The following PPP2R2B variants were observed in gnomAD, a reference collection of about 807,000 sequenced individuals.
PPP2R2B encodes the protein serine/threonine-protein phosphatase 2A 55 kDa regulatory subunit B beta isoform.
Under a neutral mutation model 46.0 loss-of-function variants are expected in PPP2R2B, and 5 were observed. The observed-to-expected ratio is 0.11, with a 90% CI of 0.06 to 0.23. The LOEUF is 0.23. PPP2R2B is among the 10% of genes least tolerant of loss of function. The pLI, the probability that PPP2R2B is intolerant of heterozygous loss-of-function variation, is 1.00. For synonymous variants in PPP2R2B, 215 were observed against 206.7 expected (o/e 1.04, Z -0.34); for missense variants, 367 against 575.0 (o/e 0.64, Z 3.70).
intron 2 of PPP2R2B, among the ~76,000 whole-genome samples, chr5:146,868,039 T>A (rs1394331174): frequency 6.6e-6 from 1 of 152,198 alleles, no homozygotes; most frequent in Non-Finnish European, 1.5e-5. Context: ...TTAACCTCAT[T>A]GATTGGCACT....
intron 2 of PPP2R2B, among the ~76,000 whole-genome samples, chr5:146,732,614 A>G (rs1255691248): frequency 6.6e-6 from 1 of 152,240 alleles, no homozygotes; most frequent in African/African-American, 2.4e-5. Flanking sequence ...AAACAATAAC[A>G]GCATTAATAG....
At chr5:146,641,503 ATTTTTTTTTTTTTTTT>A (rs61445378) in intron 6 of PPP2R2B, among the ~76,000 whole-genome samples, 140 of 128,574 alleles carry the variant, frequency 1.1e-3, no homozygotes, top group African/African-American at 4.2e-3. Flanking sequence ...GTGCTCTAAG[ATTTTTTTTTTTTTTTT>A]TTTTTTTTTT....
At chr5:146,811,717 C>T (rs113311931) in intron 2 of PPP2R2B, among the ~76,000 whole-genome samples, 3,947 of 150,172 alleles carry the variant, frequency 0.026, 55 homozygotes, top group Middle Eastern at 0.045. Context: ...CCCACCACCA[C>T]GCCCGGCTAA....
chr5:146,839,047 A>G (rs1759467794), intron 2 of PPP2R2B, among the ~76,000 whole-genome samples: 1 of 152,140 alleles, frequency 6.6e-6, no homozygotes, highest in African/African-American at 2.4e-5. Context: ...CTGATTTCCA[A>G]CCTTCCCTTC....
intron 2 of PPP2R2B, among the ~76,000 whole-genome samples, chr5:146,766,781 C>T (rs1311056838): frequency 1.8e-4 from 27 of 152,106 alleles, no homozygotes; most frequent in African/African-American, 4.3e-4. Context: ...AGGTGGGGCA[C>T]GGTGGCTCAT....
intron 7 of PPP2R2B, among the ~76,000 whole-genome samples, chr5:146,608,593 G>A (rs1444569158): frequency 2.6e-5 from 4 of 152,128 alleles, no homozygotes; most frequent in South Asian, 2.1e-4. Flanking sequence ...TCAGGAGCTC[G>A]AGACCAACCT....
chr5:146,980,437 T>C (rs1212684491), intron 1 of PPP2R2B, among the ~76,000 whole-genome samples: 1 of 152,106 alleles, frequency 6.6e-6, no homozygotes, highest in Non-Finnish European at 1.5e-5. Flanking sequence ...GCTAGTCTCA[T>C]CCAGAAGGGA....
intron 2 of PPP2R2B, among the ~76,000 whole-genome samples, chr5:146,799,886 A>G (rs1425453702): frequency 6.6e-6 from 1 of 152,224 alleles, no homozygotes; most frequent in Non-Finnish European, 1.5e-5. Context: ...TCCATAGTCC[A>G]TGATTTATAC....
chr5:146,714,696 A>G (rs1780392978), intron 2 of PPP2R2B, among the ~76,000 whole-genome samples: 1 of 152,224 alleles, frequency 6.6e-6, no homozygotes, highest in East Asian at 1.9e-4. Flanking sequence ...TCTTCTCTTC[A>G]TATAAGGTTT....
rs1345925804 is a variant in PPP2R2B, at chr5:146,970,645, C to T, written c.79+85020G>A. On this transcript the variant is annotated intron_variant, in intron 1 of 8. Coordinates refer to the PPP2R2B transcript ENST00000336640. The stretch of plus-strand genomic sequence containing the variant: ...AGAAGGGAAGACCAGAAGGTTAGAC[C>T]CCTCAGAAATGAATATTTAAGTCAC... Among the ~76,000 whole-genome samples, 7 of 151,870 alleles carry T rather than the reference C, an allele frequency of 4.6e-5. No homozygotes were observed. The South Asian group carries it at 1.3e-3, about 27-fold the overall frequency.
rs376197977 is a variant in PPP2R2B, at chr5:146,861,540, G to A, written c.70+16462C>T. On this transcript the variant is annotated intron_variant, in intron 2 of 9. Transcript: ENST00000394411. ...AAAGGAAGAACTCAGGTGAATATTC[G>A]CTACATTAATTCCCAGAGACTAGTC... 5.3e-5 allele frequency among the ~76,000 whole-genome samples: 8 copies of A among 152,140 alleles called. No individual in the cohort carries two copies. The East Asian group carries it at 5.8e-4, about 11-fold the overall frequency.
intron 2 of PPP2R2B, among the ~76,000 whole-genome samples, chr5:146,801,219 T>A (rs1050002317): frequency 1.3e-5 from 2 of 152,152 alleles, no homozygotes; most frequent in Admixed American, 1.3e-4. Context: ...AAGCTTCAGT[T>A]ATACAAAATG....
intron 5 of PPP2R2B, among the ~76,000 whole-genome samples, chr5:146,682,290 G>A (rs529210586): frequency 8.1e-4 from 123 of 152,194 alleles, no homozygotes; most frequent in African/African-American, 2.4e-3. Flanking sequence ...ATACTACTTC[G>A]AACTTTTCAA....
chr5:146,812,821 A>ATATATG, intron 2 of PPP2R2B, among the ~76,000 whole-genome samples: 1 of 85,550 alleles, frequency 1.2e-5, no homozygotes, highest in Non-Finnish European at 2.3e-5. Context: ...ATATATATAT[A>ATATATG]TATATATACA....
chr5:146,882,678 T>A (rs1436194184), upstream of PPP2R2B, among the ~76,000 whole-genome samples: 2 of 152,232 alleles, frequency 1.3e-5, no homozygotes, highest in Admixed American at 6.5e-5. Flanking sequence ...AGTACTTAAC[T>A]ATGTCAGACA....
rs149739473 is a variant in PPP2R2B at position 146,700,248 on chromosome 5, T to C, written c.168+797A>G. Among the ~76,000 whole-genome samples, 611 of 152,164 alleles carry C rather than the reference T, an allele frequency of 4.0e-3. 6 individuals carry two copies. Among genetic ancestry groups the C allele is most frequent in the African/African-American group, 0.014 (583 of 41,506 alleles). On this transcript the variant is annotated intron_variant, in intron 3 of 9. Transcript: ENST00000394411. ...CCCGGTGAATCTCAGAGGCAGGCAG[T>C]GGCAGATGGGAGAGCTACTAGAACA...
intron 2 of PPP2R2B, among the ~76,000 whole-genome samples, chr5:146,824,738 C>G (rs1758465390): frequency 1.4e-5 from 2 of 142,948 alleles, no homozygotes; most frequent in Admixed American, 7.0e-5. Flanking sequence ...AGAATCAATA[C>G]TTTTTTTTTT....
chr5:146,836,801 C>T (rs914560022), intron 2 of PPP2R2B, among the ~76,000 whole-genome samples: 5 of 152,160 alleles, frequency 3.3e-5, no homozygotes, highest in African/African-American at 1.2e-4. Flanking sequence ...ATGTAATGGG[C>T]ATACTATCTT....
At position 146,585,263 on chromosome 5, in the gene PPP2R2B, C is replaced by CACACACACACAT. The variant is rs1473501930; in HGVS notation, c.*4683_*4684insATGTGTGTGTGT. 4.4e-3 allele frequency: 636 copies of CACACACACACAT among 143,490 alleles called. 7 individuals carry two copies. The highest frequency in any genetic ancestry group is 0.017 in the African/African-American group (611 of 35,942). The allele number at this position is 143,490 out of a possible 1,614,324, so 8.9% of individuals were successfully genotyped here. ...AGTAACTTCCATCTACATGCATACA[C>CACACACACACAT]ACACACACACACACACACACACACA... On this transcript the variant is annotated 3_prime_UTR_variant, in exon 10 of 10. Transcript: ENST00000394411.
Sources: allele counts gnomAD v4.1 joint callset (sites outside exome capture counted in the v4.1 genomes callset), GRCh38; gene constraint gnomAD v4.1.1; transcripts MANE v1.5; gene names NCBI Gene and HGNC (gene_info 2026-07-23, HGNC 2026-07-21).